The following FILIP1 variants were observed in gnomAD, a reference collection of about 807,000 sequenced individuals.
FILIP1 encodes the protein filamin-A-interacting protein 1.
Under a neutral mutation model 102.1 loss-of-function variants are expected in FILIP1, and 61 were observed. The observed-to-expected ratio is 0.60, with a 90% CI of 0.49 to 0.74. The LOEUF (loss-of-function observed/expected upper bound fraction) is 0.74, where lower values mean the gene tolerates loss of function less well. Ranked by LOEUF, FILIP1 falls within the 30% of genes least tolerant of loss-of-function variation. FILIP1 has a pLI of 0.00. For missense variants in FILIP1, 1,314 were observed against 1,441.2 expected, an observed-to-expected ratio of 0.91 and a Z score of 1.43; for synonymous variants, 491 against 526.9, an observed-to-expected ratio of 0.93 and a Z score of 0.93.
intron 1 of FILIP1, among the ~76,000 whole-genome samples, chr6:75,463,479 T>C (rs1004034190): frequency 1.3e-5 from 2 of 152,142 alleles, no homozygotes; most frequent in Non-Finnish European, 2.9e-5. Context: ...AAATATCCAG[T>C]TTTGGATTAC....
intron 1 of FILIP1, among the ~76,000 whole-genome samples, chr6:75,443,663 T>C (rs979354760): frequency 3.3e-5 from 5 of 152,188 alleles, no homozygotes; most frequent in African/African-American, 1.2e-4. Flanking sequence ...GATTCCTCAT[T>C]TCTCTTAAAC....
At chr6:75,468,420 G>A (rs1779235092) in intron 1 of FILIP1, among the ~76,000 whole-genome samples, 2 of 152,206 alleles carry the variant, frequency 1.3e-5, no homozygotes, top group Admixed American at 6.5e-5. Context: ...AGATATGTGA[G>A]AGGATATTAA....
chr6:75,481,957 A>C (rs1040469341), intron 1 of FILIP1, among the ~76,000 whole-genome samples: 3 of 152,194 alleles, frequency 2.0e-5, no homozygotes, highest in Non-Finnish European at 4.4e-5. Flanking sequence ...TCTTTCACTA[A>C]TACTATGTAG....
intron 1 of FILIP1, among the ~76,000 whole-genome samples, chr6:75,471,090 G>A (rs1779311008): frequency 6.6e-6 from 1 of 150,596 alleles, no homozygotes; most frequent in Admixed American, 6.6e-5. Flanking sequence ...AACCCGGGAG[G>A]TGGAGGTTGC....
chr6:75,322,422 A>T (rs551028164), intron 4 of FILIP1, among the ~76,000 whole-genome samples: 3 of 152,286 alleles, frequency 2.0e-5, no homozygotes, highest in African/African-American at 7.2e-5. Context: ...CTATGCCTTG[A>T]TTCTAAATAT....
At chr6:75,402,025 C>T (rs1052610771) in intron 2 of FILIP1, among the ~76,000 whole-genome samples, 3 of 152,082 alleles carry the variant, frequency 2.0e-5, no homozygotes, top group South Asian at 4.1e-4. Context: ...ACATATTACC[C>T]TTATGTGGTA....
chr6:75,343,041 T>C (rs1389662577), intron 4 of FILIP1, among the ~76,000 whole-genome samples: 2 of 152,152 alleles, frequency 1.3e-5, no homozygotes, highest in Non-Finnish European at 2.9e-5. Context: ...GACAGGACTT[T>C]AAGGAGGTAA....
At chr6:75,478,600 A>G (rs1779556025) in intron 1 of FILIP1, among the ~76,000 whole-genome samples, 1 of 152,204 alleles carries the variant, frequency 6.6e-6, no homozygotes, top group South Asian at 2.1e-4. Context: ...TACAACAGGT[A>G]TCTTGGGAAA....
chr6:75,477,730 T>G (rs555834917), intron 1 of FILIP1, among the ~76,000 whole-genome samples: 9 of 152,140 alleles, frequency 5.9e-5, no homozygotes, highest in African/African-American at 2.2e-4. Flanking sequence ...ACAAAATTTG[T>G]ACACATCCAG....
intron 4 of FILIP1, 90 bp downstream of exon 4, chr6:75,353,449 C>A: frequency 7.0e-7 from 1 of 1,428,872 alleles, no homozygotes; most frequent in Non-Finnish European, 9.6e-7. Context: ...CCACGATGCC[C>A]CTGGCTGAAA....
chr6:75,327,134 T>G (rs1389421018), intron 4 of FILIP1, among the ~76,000 whole-genome samples: 1 of 152,162 alleles, frequency 6.6e-6, no homozygotes, highest in Non-Finnish European at 1.5e-5. Flanking sequence ...CAACCACATC[T>G]TCCTCAAATC....
intron 2 of FILIP1, among the ~76,000 whole-genome samples, chr6:75,398,418 T>A (rs1776537942): frequency 6.6e-6 from 1 of 152,146 alleles, no homozygotes; most frequent in South Asian, 2.1e-4. Context: ...CTAAAGATAC[T>A]GCAGGTCACA....
chr6:75,370,569 C>CTTTTTT lies in FILIP1; in HGVS notation c.277-7658_277-7653dup, dbSNP rs61384517. On this transcript the variant is annotated intron_variant, in intron 2 of 5. Coordinates refer to ENST00000237172, the MANE Select transcript of FILIP1 (RefSeq NM_015687.5). Reference sequence around the variant, plus strand: ...TTTGTCTGTAATTTGGGAGTCTCTTCTTTTTTTTTTTTTTTTTTTTTTTTG... The same window carrying CTTTTTT: ...TTTGTCTGTAATTTGGGAGTCTCTTCTTTTTTTTTTTTTTTTTTTTTTTTTTTTTTG... Among the ~76,000 whole-genome samples, 116 of 75,706 alleles carry CTTTTTT rather than the reference C, an allele frequency of 1.5e-3. 2 individuals carry two copies. The highest frequency in any genetic ancestry group is 3.4e-3 in the African/African-American group (58 of 17,200). The allele number at this position is 75,706 out of a possible 152,430, so 49.7% of individuals were successfully genotyped here. A position where few individuals can be genotyped will look rare whatever the true frequency, so the allele number is the denominator to read the frequency against.
chr6:75,421,485 G>GC (rs1777463022), intron 1 of FILIP1, among the ~76,000 whole-genome samples: 1 of 152,042 alleles, frequency 6.6e-6, no homozygotes, highest in Non-Finnish European at 1.5e-5. Flanking sequence ...GGTGGTTACC[G>GC]CAAGATTCAA....
chr6:75,458,988 C>A (rs924717039), intron 1 of FILIP1: 19 of 152,104 alleles, frequency 1.2e-4, no homozygotes, highest in African/African-American at 4.6e-4. Context: ...GGGGGACAGC[C>A]AAATGTCAGA....
At chr6:75,388,934 T>A (rs532312355) in intron 2 of FILIP1, among the ~76,000 whole-genome samples, 1 of 152,328 alleles carries the variant, frequency 6.6e-6, no homozygotes, top group East Asian at 1.9e-4. Flanking sequence ...AGAGAGGGCA[T>A]CCTTGTCTTG....
intron 1 of FILIP1, among the ~76,000 whole-genome samples, chr6:75,474,640 G>T (rs1046689774): frequency 3.9e-5 from 6 of 152,092 alleles, no homozygotes; most frequent in African/African-American, 9.7e-5. Context: ...TGTACATTAG[G>T]TTCCCCAGAG....
At chr6:75,452,563 C>A (rs761610778) in intron 1 of FILIP1, among the ~76,000 whole-genome samples, 17 of 152,042 alleles carry the variant, frequency 1.1e-4, no homozygotes, top group Non-Finnish European at 2.2e-4. Context: ...ATTCCAAATT[C>A]CACAACATTG....
At chr6:75,319,830 C>A (rs1381256448) in intron 4 of FILIP1, 10 of 335,030 alleles carry the variant, frequency 3.0e-5, no homozygotes, top group South Asian at 7.8e-5. Flanking sequence ...ACTCCGTCCC[C>A]CAAAAAAAAA....
Sources: gnomAD v4.1 joint callset for allele counts (sites outside exome capture counted in the v4.1 genomes callset) on GRCh38, gnomAD v4.1.1 for gene constraint, MANE v1.5 for transcripts, NCBI Gene and HGNC (gene_info 2026-07-23, HGNC 2026-07-21) for gene names.